The following MARK2 variants were observed in gnomAD, a reference collection of about 807,000 sequenced individuals.
MARK2 encodes the protein serine/threonine-protein kinase MARK2.
In MARK2, 16 loss-of-function variants were observed where a neutral mutation model predicts 89.8. That is an observed-to-expected ratio of 0.18 (90% CI 0.12 to 0.27). The LOEUF (loss-of-function observed/expected upper bound fraction) is 0.27, where lower values mean the gene tolerates loss of function less well. Ranked by LOEUF, MARK2 falls within the 10% of genes least tolerant of loss-of-function variation. The pLI is 1.00. For synonymous variants in MARK2, 382 were observed against 399.5 expected (o/e 0.96, Z 0.52); for missense variants, 621 against 1,049.9 (o/e 0.59, Z 5.65).
chr11:63,891,727 G>C (rs1939873616), intron 1 of MARK2, among the ~76,000 whole-genome samples: 1 of 152,266 alleles, frequency 6.6e-6, no homozygotes, highest in Admixed American at 6.5e-5. Flanking sequence ...CCTCTCGTAG[G>C]AGTTGGGGCA....
intron 1 of MARK2, among the ~76,000 whole-genome samples, chr11:63,854,865 T>C (rs1445858735): frequency 1.3e-5 from 2 of 150,016 alleles, no homozygotes; most frequent in East Asian, 2.0e-4. Flanking sequence ...AAAGTATTCA[T>C]GAGGCATTGC....
intron 1 of MARK2, among the ~76,000 whole-genome samples, chr11:63,887,855 T>C (rs1939497329): frequency 1.3e-5 from 2 of 152,168 alleles, no homozygotes; most frequent in Non-Finnish European, 2.9e-5. Flanking sequence ...GAGAAAGCAG[T>C]GTTGTTTTGA....
chr11:63,855,527 C>CA (rs34126066), intron 1 of MARK2, among the ~76,000 whole-genome samples: 6,770 of 91,748 alleles, frequency 0.074, 181 homozygotes, highest in Non-Finnish European at 0.082. Context: ...ATTTCAAAAA[C>CA]AAAAAAAAAA....
Position 63,899,138 on chromosome 11 carries a change from G to C in MARK2, c.531+30G>C, listed in dbSNP as rs765264453. On this transcript the variant is annotated intron_variant, in intron 7 of 18. Transcript: ENST00000402010. ...GGCATGCACTTCTCCTTGTGCCTTT[G>C]AGTGGGAGCCAGGTTGTTGCCTCTT... The C allele has an allele frequency of 7.3e-6, 11 of 1,499,534 alleles. No homozygotes were observed. The Middle Eastern group carries it at 6.8e-4, about 93-fold the overall frequency. 92.9% of individuals were successfully genotyped at this position (1,499,534 alleles called of 1,614,324 possible). A position where few individuals can be genotyped will look rare whatever the true frequency, so the allele number is the denominator to read the frequency against.
In MARK2 at chr11:63,906,230, G is replaced by C. The variant is rs1017103293; in HGVS notation, c.1961+116G>C. On this transcript the variant is annotated intron_variant, in intron 17 of 18. Transcript: ENST00000402010. ...TACTCTCCTCCATCTGCTTAACCAA[G>C]TCTGTGTGGCCCTCCTCTCTCTGCC... 12 of 1,208,682 alleles carry C rather than the reference G, an allele frequency of 9.9e-6. No individual in the cohort carries two copies. In the African/African-American group the frequency reaches 1.6e-4, roughly 16 times the overall value. 74.9% of individuals were successfully genotyped at this position (1,208,682 alleles called of 1,614,324 possible).
intron 1 of MARK2, among the ~76,000 whole-genome samples, chr11:63,887,315 TGAG>T (rs1939460931): frequency 6.6e-6 from 1 of 152,244 alleles, no homozygotes; most frequent in Non-Finnish European, 1.5e-5. Flanking sequence ...AGCTCTGTAC[TGAG>T]AAGCTGTGAG....
At chr11:63,891,266 T>C (rs1259832481) in intron 1 of MARK2, among the ~76,000 whole-genome samples, 1 of 152,182 alleles carries the variant, frequency 6.6e-6, no homozygotes, top group African/African-American at 2.4e-5. Flanking sequence ...ATGATGTTGA[T>C]GATAATAATA....
At chr11:63,871,868 TGTGGGTGAAGAGTATTCACTGTGTGCAGG>T (rs1938472708) in intron 1 of MARK2, among the ~76,000 whole-genome samples, 1 of 151,464 alleles carries the variant, frequency 6.6e-6, no homozygotes. Flanking sequence ...TGTGTGCAGG[TGTGGGTGAAGAGTATTCACTGTGTGCAGG>T]TGTGGGTGAA....
intron 1 of MARK2, among the ~76,000 whole-genome samples, chr11:63,886,272 C>T (rs1939393053): frequency 6.6e-6 from 1 of 151,850 alleles, no homozygotes; most frequent in South Asian, 2.1e-4. Flanking sequence ...GACTACAGAC[C>T]CATGGCACCA....
At chr11:63,884,574 G>A (rs991398541) in intron 1 of MARK2, among the ~76,000 whole-genome samples, 1 of 152,230 alleles carries the variant, frequency 6.6e-6, no homozygotes, top group Non-Finnish European at 1.5e-5. Flanking sequence ...CTTTGTGAAG[G>A]AGGCTCTTAC....
chr11:63,856,572 C>T (rs192802689), intron 1 of MARK2, among the ~76,000 whole-genome samples: 66 of 150,522 alleles, frequency 4.4e-4, no homozygotes, highest in African/African-American at 1.2e-3. Context: ...TACAGGTGTG[C>T]GCTACCACAC....
intron 1 of MARK2, among the ~76,000 whole-genome samples, chr11:63,887,298 C>T (rs769354512): frequency 3.9e-5 from 6 of 152,180 alleles, no homozygotes; most frequent in Admixed American, 2.0e-4. Flanking sequence ...CTCTGGGCTC[C>T]GGCCCCAGCT....
chr11:63,845,920 AC>A (rs1252983663), intron 1 of MARK2, among the ~76,000 whole-genome samples: 1 of 151,876 alleles, frequency 6.6e-6, no homozygotes, highest in East Asian at 1.9e-4. Flanking sequence ...ATAGGGTTTC[AC>A]CATGTTGGCC....
intron 16 of MARK2, 72 bp downstream of exon 16, chr11:63,905,115 G>GT: frequency 1.4e-6 from 1 of 707,448 alleles, no homozygotes; most frequent in Non-Finnish European, 2.3e-6. Flanking sequence ...TGGGTTGGGG[G>GT]TTGGGGGTTG....
rs183880242 is a variant in MARK2 at position 63,901,975 on chromosome 11, T to C, written c.1102-223T>C. Among the ~76,000 whole-genome samples the C allele has an allele frequency of 5.3e-5, 8 of 152,168 alleles. No homozygotes were observed. In the East Asian group the frequency reaches 1.5e-3, roughly 29 times the overall value. On this transcript the variant is annotated intron_variant, in intron 11 of 18. Transcript: ENST00000402010. The stretch of plus-strand genomic sequence containing the variant: ...TGTTTGTGTCTCTGGGTGTGTGGGC[T>C]TATGTATTCCTTTCTGAGACTGTGT...
intron 1 of MARK2, among the ~76,000 whole-genome samples, chr11:63,867,818 G>A (rs977798226): frequency 4.6e-5 from 7 of 151,996 alleles, no homozygotes; most frequent in African/African-American, 1.5e-4. Context: ...GTGACACAGG[G>A]ATCTTCAGAT....
At chr11:63,908,007 C>G (rs1042194424) in intron 17 of MARK2, among the ~76,000 whole-genome samples, 1 of 152,234 alleles carries the variant, frequency 6.6e-6, no homozygotes, top group Non-Finnish European at 1.5e-5. Flanking sequence ...TCCTTCTCCC[C>G]GGCACAGATC....
chr11:63,906,094 GTCTT>G lies in MARK2; in HGVS notation c.1944_1947del (p.Phe649GlyfsTer7). The G allele has an allele frequency of 1.5e-6, 2 of 1,341,556 alleles. No individual in the cohort carries two copies. Among genetic ancestry groups the G allele is most frequent in the Non-Finnish European group, 1.9e-6 (2 of 1,042,650 alleles). 83.1% of individuals were successfully genotyped at this position (1,341,556 alleles called of 1,614,324 possible). On this transcript the variant is annotated frameshift_variant, in exon 17 of 19. Transcript: ENST00000402010. LOFTEE classifies it high-confidence loss of function. ...TTTTTGTTTGTTTTTTTAGAAATCT[GTCTT>G]TCAGGTTTGCCAGAAGGTAGGCGTT...
intron 3 of MARK2, 55 bp downstream of exon 3, chr11:63,895,688 AGTC>A: frequency 1.0e-6 from 1 of 992,096 alleles, no homozygotes; most frequent in Non-Finnish European, 1.4e-6. Flanking sequence ...TTTTTTTTTG[AGTC>A]AGAGCCTCAC....
Sources: gnomAD v4.1 joint callset for allele counts (sites outside exome capture counted in the v4.1 genomes callset) on GRCh38, gnomAD v4.1.1 for gene constraint, MANE v1.5 for transcripts, NCBI Gene and HGNC (gene_info 2026-07-23, HGNC 2026-07-21) for gene names.